HS2ST1: variants seen among roughly 807,000 people sequenced by gnomAD.
The protein encoded by HS2ST1 is 2-O-sulfotransferase.
Under a neutral mutation model 42.9 loss-of-function variants are expected in HS2ST1, and 18 were observed. The ratio of observed to expected loss-of-function variants is 0.42; its 90% CI spans 0.29 to 0.62. The LOEUF is 0.62. Among genes scored for constraint, HS2ST1 ranks in the 20% least tolerant of loss-of-function variants. HS2ST1 has a pLI of 0.21. For synonymous variants in HS2ST1, 146 were observed against 152.9 expected (o/e 0.95, Z 0.33); for missense variants, 334 against 433.8 (o/e 0.77, Z 2.04).
chr1:87,011,864 A>G (rs1434918404), intron 1 of HS2ST1, among the ~76,000 whole-genome samples: 2 of 152,194 alleles, frequency 1.3e-5, no homozygotes, highest in East Asian at 3.8e-4. Flanking sequence ...TTCTTTATGC[A>G]TGATTTTGGA....
chr1:87,054,846 A>G (rs968851325), intron 1 of HS2ST1, among the ~76,000 whole-genome samples: 3 of 152,230 alleles, frequency 2.0e-5, no homozygotes, highest in Non-Finnish European at 4.4e-5. Flanking sequence ...GCTGTCTGCC[A>G]ACCAGAAACA....
chr1:87,075,107 C>G (rs1052078336), intron 2 of HS2ST1, among the ~76,000 whole-genome samples: 1 of 147,562 alleles, frequency 6.8e-6, no homozygotes, highest in Non-Finnish European at 1.5e-5. Flanking sequence ...ATATAACACA[C>G]TTTTATTTTA....
In HS2ST1 at chr1:87,109,667, A is replaced by G. The variant is rs1313736774; in HGVS notation, c.*4971A>G. The G allele has an allele frequency of 6.6e-6, 1 of 152,020 alleles. No homozygotes were observed. Among genetic ancestry groups the G allele is most frequent in the Non-Finnish European group, 1.5e-5 (1 of 67,980 alleles). 9.4% of individuals were successfully genotyped at this position (152,020 alleles called of 1,614,324 possible). ...ATGCTTGATTGATTCTATTTATATT[A>G]TATGATATTGGGTTGATAAAATACC... On this transcript the variant is annotated 3_prime_UTR_variant, in exon 7 of 7. Coordinates refer to ENST00000370550, the MANE Select transcript of HS2ST1 (RefSeq NM_012262.4).
At chr1:87,073,197 A>T (rs756425021) in intron 2 of HS2ST1, 25 bp downstream of exon 2, 9 of 1,467,038 alleles carry the variant, frequency 6.1e-6, no homozygotes, top group Non-Finnish European at 8.6e-6. Flanking sequence ...AGGAATGCCC[A>T]AATATTTTCT....
chr1:87,017,300 C>G (rs113688763), intron 1 of HS2ST1, among the ~76,000 whole-genome samples: 1 of 152,058 alleles, frequency 6.6e-6, no homozygotes, highest in South Asian at 2.1e-4. Context: ...CCATGTCCAG[C>G]TAATTTTTGT....
At chr1:86,967,742 T>A (rs747186261) in intron 1 of HS2ST1, among the ~76,000 whole-genome samples, 8 of 152,242 alleles carry the variant, frequency 5.3e-5, no homozygotes, top group Non-Finnish European at 1.0e-4. Flanking sequence ...CAGTTGTGAA[T>A]TGTGCTGCAA....
intron 1 of HS2ST1, among the ~76,000 whole-genome samples, chr1:87,040,188 A>G (rs896936406): frequency 1.3e-5 from 2 of 152,276 alleles, no homozygotes; most frequent in East Asian, 1.9e-4. Flanking sequence ...TAAGAGTCTC[A>G]TGTTTGTGGA....
At chr1:87,072,256 A>C (rs1651430552) in intron 1 of HS2ST1, among the ~76,000 whole-genome samples, 1 of 152,128 alleles carries the variant, frequency 6.6e-6, no homozygotes, top group Non-Finnish European at 1.5e-5. Flanking sequence ...TACCCTTCTA[A>C]GTCATATTGT....
intron 1 of HS2ST1, among the ~76,000 whole-genome samples, chr1:87,026,216 A>G (rs960910134): frequency 7.9e-5 from 12 of 152,202 alleles, no homozygotes; most frequent in African/African-American, 2.9e-4. Flanking sequence ...GAAGTCACCA[A>G]TGTTTATTGG....
intron 5 of HS2ST1, among the ~76,000 whole-genome samples, chr1:87,099,869 C>T (rs1270553379): frequency 6.6e-6 from 1 of 152,174 alleles, no homozygotes; most frequent in African/African-American, 2.4e-5. Context: ...GCAGTAGGCC[C>T]CACACAAGTC....
chr1:86,925,490 A>G (rs1428135065), intron 1 of HS2ST1, among the ~76,000 whole-genome samples: 1 of 152,240 alleles, frequency 6.6e-6, no homozygotes, highest in East Asian at 1.9e-4. Flanking sequence ...TAATAGTTCT[A>G]CATGGCTGGG....
intron 1 of HS2ST1, among the ~76,000 whole-genome samples, chr1:87,029,704 CT>C (rs1650178633): frequency 6.6e-6 from 1 of 151,992 alleles, no homozygotes; most frequent in Non-Finnish European, 1.5e-5. Flanking sequence ...GGAATAAATA[CT>C]TTTCATACAA....
chr1:86,954,328 G>A (rs1306453112), intron 1 of HS2ST1, among the ~76,000 whole-genome samples: 2 of 152,030 alleles, frequency 1.3e-5, no homozygotes. Context: ...CAGCCTGGGT[G>A]ACAGAGCAAG....
intron 1 of HS2ST1, among the ~76,000 whole-genome samples, chr1:87,058,021 C>T (rs1331381676): frequency 6.6e-6 from 1 of 151,656 alleles, no homozygotes; most frequent in Non-Finnish European, 1.5e-5. Context: ...CTGCTTCTTT[C>T]GATTTTGTTT....
chr1:87,069,114 G>C (rs1437363106), intron 1 of HS2ST1, among the ~76,000 whole-genome samples: 1 of 152,176 alleles, frequency 6.6e-6, no homozygotes. Context: ...GCCTAGTCTT[G>C]CTGTCTCATG....
intron 1 of HS2ST1, among the ~76,000 whole-genome samples, chr1:86,920,727 A>G (rs1660274175): frequency 6.6e-6 from 1 of 152,104 alleles, no homozygotes; most frequent in Non-Finnish European, 1.5e-5. Context: ...ATCATGGTTC[A>G]CTATAGCCTA....
chr1:87,020,412 C>T (rs972434527), intron 1 of HS2ST1, among the ~76,000 whole-genome samples: 2 of 152,204 alleles, frequency 1.3e-5, no homozygotes, highest in African/African-American at 4.8e-5. Context: ...ACATGCAGTG[C>T]TGAAATGAAT....
chr1:87,087,872 C>G (rs944624007), intron 3 of HS2ST1, among the ~76,000 whole-genome samples: 2 of 152,072 alleles, frequency 1.3e-5, no homozygotes, highest in Admixed American at 1.3e-4. Flanking sequence ...AAGTCTGTCT[C>G]TAAAGTCAGA....
chr1:87,007,612 A>G (rs892577112), intron 1 of HS2ST1, among the ~76,000 whole-genome samples: 1 of 152,088 alleles, frequency 6.6e-6, no homozygotes, highest in African/African-American at 2.4e-5. Context: ...TTCCTCTCAA[A>G]ATACTTTGCA....
Sources: gnomAD v4.1 joint callset for allele counts (sites outside exome capture counted in the v4.1 genomes callset) on GRCh38, gnomAD v4.1.1 for gene constraint, MANE v1.5 for transcripts, NCBI Gene and HGNC (gene_info 2026-07-23, HGNC 2026-07-21) for gene names.